Variants in SPECC1 observed in about 807,000 individuals in gnomAD.
The protein encoded by SPECC1 is sperm antigen with calponin homology and coiled-coil domains 1, also known as cytospin-B.
A neutral mutation model predicts 104.1 loss-of-function variants in SPECC1; 62 were observed. The observed-to-expected ratio is 0.60, with a 90% confidence interval of 0.49 to 0.74. SPECC1 has a LOEUF of 0.74. SPECC1 is among the 30% of genes least tolerant of loss of function. The pLI is 0.00. For synonymous variants in SPECC1, 513 were observed against 501.6 expected, an observed-to-expected ratio of 1.02 and a Z score of -0.30; for missense variants, 1,306 against 1,310.5, an observed-to-expected ratio of 1.00 and a Z score of 0.05.
At chr17:20,266,508 C>T (rs919433858) in intron 12 of SPECC1, among the ~76,000 whole-genome samples, 4 of 152,092 alleles carry the variant, frequency 2.6e-5, no homozygotes, top group Admixed American at 6.5e-5. Flanking sequence ...GGCGTGAACC[C>T]GGGAGGCGGA....
rs7223476 is a variant in SPECC1, at chr17:20,312,039, T to G, written c.3118-1937T>G. The stretch of plus-strand genomic sequence containing the variant: ...GATGTATTATACTTTTATAGGTTAA[T>G]AGATTGTGTATTCATGAGAAATTGG... On this transcript the variant is annotated intron_variant, in intron 14 of 14. Transcript: ENST00000395527. 0.42 allele frequency among the ~76,000 whole-genome samples: 63,594 copies of G among 152,028 alleles called. 14,175 individuals carry two copies. The highest frequency in any genetic ancestry group is 0.79 in the East Asian group (4,096 of 5,174).
At chr17:20,107,144 C>CAAAAAAAAA (rs531912350) in intron 2 of SPECC1, among the ~76,000 whole-genome samples, 100 of 68,162 alleles carry the variant, frequency 1.5e-3, no homozygotes, top group Admixed American at 2.0e-3. Flanking sequence ...ACTCGTGTCT[C>CAAAAAAAAA]AAAAAAAAAA....
At chr17:20,215,426 T>C (rs1458312863) in intron 4 of SPECC1, among the ~76,000 whole-genome samples, 1 of 152,236 alleles carries the variant, frequency 6.6e-6, no homozygotes, top group Non-Finnish European at 1.5e-5. Flanking sequence ...ATGACAGACT[T>C]ACACAAGAGG....
At chr17:20,070,771 T>C (rs2046519872) in intron 1 of SPECC1, among the ~76,000 whole-genome samples, 1 of 152,176 alleles carries the variant, frequency 6.6e-6, no homozygotes, top group South Asian at 2.1e-4. Context: ...CCAAAGGTTA[T>C]GCACAGATGT....
chr17:20,229,509 TAAAATA>T lies in SPECC1; in HGVS notation c.2071+1893_2071+1898del, dbSNP rs532636020. 2.6e-4 allele frequency among the ~76,000 whole-genome samples: 39 copies of T among 151,738 alleles called. 1 individual carries two copies. The East Asian group carries it at 7.0e-3, about 27-fold the overall frequency. ...GTGAGACCCTGTCTTGACAAAAAAA[TAAAATA>T]AAATAAAAACTAGCCACGTGTGGTG... is the stretch of plus-strand genomic sequence containing the variant. On this transcript the variant is annotated intron_variant, in intron 5 of 14. Coordinates refer to ENST00000395527, the MANE Select transcript of SPECC1 (RefSeq NM_001243439.2).
At position 20,205,028 on chromosome 17, in the gene SPECC1, G is replaced by C. The variant is rs202142669; in HGVS notation, c.979G>C (p.Asp327His). The change falls in exon 4 of 15, where the codon GAT (aspartate) becomes CAT (histidine). Residue 327 changes from aspartate (D) to histidine (H), a missense_variant. Asp to His is a moderately conservative substitution (Grantham distance 81). Around this residue, in one of 2 missense-constraint regions of SPECC1, gnomAD observed 1,177 missense variants for 1,139.9 expected, o/e 1.03. Transcript: ENST00000395527. ...SDVTKASLSP[D>H]ASDFEHITAE... ...TGTTACCAAAGCTTCTTTGTCGCCA[G>C]ATGCTTCCGACTTTGAGCACATTAC... 7.4e-6 allele frequency: 12 copies of C among 1,614,172 alleles called. No individual in the cohort carries two copies. Among genetic ancestry groups the C allele is most frequent in the Non-Finnish European group, 1.0e-5 (12 of 1,180,022 alleles).
intron 1 of SPECC1, among the ~76,000 whole-genome samples, chr17:20,078,323 G>A (rs2152488416): frequency 6.6e-6 from 1 of 151,818 alleles, no homozygotes; most frequent in South Asian, 2.1e-4. Context: ...CATAATAAAT[G>A]ATCCCAGCAA....
intron 3 of SPECC1, chr17:20,156,269 C>G: frequency 7.7e-7 from 1 of 1,295,636 alleles, no homozygotes; most frequent in South Asian, 1.9e-5. Flanking sequence ...GCGCCGCAGC[C>G]GCAACCCCAC....
rs555497693 is a variant in SPECC1, at chr17:20,298,944, A to T, written c.3057+1867A>T. ...AAAAGAGAGAGAGAGAGAGAGAGAG[A>T]GAGAGTGTGTGTGTGTGTGTGTGTG... On this transcript the variant is annotated intron_variant, in intron 13 of 14. Transcript: ENST00000395527. 8.1e-3 allele frequency among the ~76,000 whole-genome samples: 336 copies of T among 41,442 alleles called. 1 individual carries two copies. Among genetic ancestry groups the T allele is most frequent in the East Asian group, 0.037 (2 of 54 alleles). 27.2% of individuals were successfully genotyped at this position (41,442 alleles called of 152,430 possible).
intron 13 of SPECC1, among the ~76,000 whole-genome samples, chr17:20,304,370 ATTTAAT>A (rs2041694008): frequency 1.3e-5 from 2 of 152,138 alleles, no homozygotes; most frequent in Admixed American, 6.6e-5. Flanking sequence ...TAATATAACA[ATTTAAT>A]TTTAATATAA....
chr17:20,118,605 A>G (rs2048877914), intron 3 of SPECC1, among the ~76,000 whole-genome samples: 1 of 152,176 alleles, frequency 6.6e-6, no homozygotes, highest in Non-Finnish European at 1.5e-5. Flanking sequence ...TTAGAAGTAT[A>G]TATTAATTAT....
intron 9 of SPECC1, among the ~76,000 whole-genome samples, chr17:20,251,226 A>AAAAAAAAAAAAAAAAAAAAAAAAAAAAG (rs1453438065): frequency 6.9e-6 from 1 of 144,520 alleles, no homozygotes; most frequent in African/African-American, 2.5e-5. Flanking sequence ...CTCTATCTCA[A>AAAAAAAAAAAAAAAAAAAAAAAAAAAAG]AAAAAAAAAA....
chr17:20,226,380 A>G (rs2038205822), intron 4 of SPECC1, among the ~76,000 whole-genome samples: 1 of 152,188 alleles, frequency 6.6e-6, no homozygotes, highest in Admixed American at 6.5e-5. Flanking sequence ...AGAATAATAC[A>G]GATACAGTAT....
chr17:20,044,202 T>G (rs2045444598), intron 1 of SPECC1, among the ~76,000 whole-genome samples: 1 of 152,142 alleles, frequency 6.6e-6, no homozygotes. Context: ...ATTCAGTGTT[T>G]CAGAACTTGT....
intron 12 of SPECC1, among the ~76,000 whole-genome samples, chr17:20,271,757 CCCCTTTGTTTTTTTTT>C (rs954676432): frequency 1.9e-4 from 29 of 151,760 alleles, no homozygotes; most frequent in Non-Finnish European, 2.5e-4. Flanking sequence ...TCTTTTTTTT[CCCCTTTGTTTTTTTTT>C]CCCTTTGTTT....
chr17:20,111,478 T>C (rs2048487609), intron 3 of SPECC1, among the ~76,000 whole-genome samples: 1 of 152,252 alleles, frequency 6.6e-6, no homozygotes, highest in South Asian at 2.1e-4. Flanking sequence ...TAAATACTGA[T>C]ATTGTATTAA....
rs113779814 is a variant in SPECC1, at chr17:20,257,438, G to A, written c.2681-13G>A. The A allele has an allele frequency of 6.4e-7, 1 of 1,559,400 alleles. No individual in the cohort carries two copies. Among genetic ancestry groups the A allele is most frequent in the Non-Finnish European group, 8.6e-7 (1 of 1,158,498 alleles). Reference sequence around the variant, plus strand: ...TTCTTTGGGAATGAGTGATTATGTGGTTGTTCCCACAGATATTCTAAAGGG... The same window carrying A: ...TTCTTTGGGAATGAGTGATTATGTGATTGTTCCCACAGATATTCTAAAGGG... On this transcript the variant is annotated splice_polypyrimidine_tract_variant and intron_variant, in intron 10 of 14. Coordinates refer to ENST00000395527, the MANE Select transcript of SPECC1 (RefSeq NM_001243439.2).
At position 20,246,042 on chromosome 17, in the gene SPECC1, T is replaced by C; in HGVS notation, c.2468T>C (p.Leu823Pro). 1 of 1,614,186 alleles carries C rather than the reference T, an allele frequency of 6.2e-7. No homozygotes were observed. ...PPESATTVKS[L>P]IKSFDLGRPG... ...GAGTCGGCAACCACCGTTAAGTCAC[T>C]TATCAAGTCATTTGACTTGGGACGC... is the stretch of plus-strand genomic sequence containing the variant. The change falls in exon 8 of 15, where the codon CTT becomes CCT. Residue 823 changes from leucine to proline, a missense_variant. This residue lies in a region of SPECC1 where 1,177 missense variants were observed against 1,139.9 expected (regional missense o/e 1.03). Transcript: ENST00000395527.
At chr17:20,170,798 C>T (rs747995160) in intron 3 of SPECC1, among the ~76,000 whole-genome samples, 3 of 152,062 alleles carry the variant, frequency 2.0e-5, no homozygotes, top group East Asian at 3.9e-4. Context: ...GTTAAGATTA[C>T]GGTTTATGAT....
Sources: gnomAD v4.1 joint callset for allele counts (sites outside exome capture counted in the v4.1 genomes callset) on GRCh38, gnomAD v4.1.1 for gene constraint, gnomAD v4.1.1 regional missense constraint, MANE v1.5 for transcripts, NCBI Gene and HGNC (gene_info 2026-07-23, HGNC 2026-07-21) for gene names.